Variants in LRRD1 observed in about 807,000 individuals in gnomAD.
The protein encoded by LRRD1 is leucine-rich repeat and death domain-containing protein 1.
In LRRD1, 49 loss-of-function variants were observed where a neutral mutation model predicts 69.5. The observed-to-expected ratio is 0.70, with a 90% confidence interval of 0.56 to 0.89. The LOEUF (loss-of-function observed/expected upper bound fraction) is 0.89. LRRD1 is among the 40% of genes least tolerant of loss of function. The probability of loss-of-function intolerance (pLI) is 0.00; values close to 1 mark genes in which losing one functional copy is unlikely to be tolerated. For missense variants in LRRD1, 853 were observed against 956.0 expected, an observed-to-expected ratio of 0.89 and a Z score of 1.42; for synonymous variants, 303 against 338.9, an observed-to-expected ratio of 0.89 and a Z score of 1.16.
intron 3 of LRRD1, among the ~76,000 whole-genome samples, chr7:92,157,819 C>T (rs958684062): frequency 3.3e-5 from 5 of 151,882 alleles, no homozygotes; most frequent in African/African-American, 7.3e-5. Context: ...TCAAGCAATC[C>T]GCCCCCCTCG....
At chr7:92,173,386 G>A (rs1789098481) in intron 1 of LRRD1, among the ~76,000 whole-genome samples, 1 of 152,116 alleles carries the variant, frequency 6.6e-6, no homozygotes, top group African/African-American at 2.4e-5. Flanking sequence ...AGCAAAGGAA[G>A]CAATCAACAA....
intron 3 of LRRD1, among the ~76,000 whole-genome samples, chr7:92,157,968 T>C (rs1227646506): frequency 6.6e-6 from 1 of 152,190 alleles, no homozygotes. Flanking sequence ...AAATACTTTA[T>C]AGAATTCACC....
In LRRD1 at chr7:92,163,659, A is replaced by G; in HGVS notation, c.1544T>C (p.Leu515Ser). The G allele has an allele frequency of 6.6e-7, 1 of 1,504,204 alleles. No homozygotes were observed. The highest frequency in any genetic ancestry group is 1.3e-5 in the South Asian group (1 of 76,194). 93.2% of individuals were successfully genotyped at this position (1,504,204 alleles called of 1,614,324 possible). ...GAGGAGTTTGTTTTCACTCAATTCT[A>G]AATGAAGCAGTTGTTTACTGAAAGA... ...DISFSKQLLH[L>S]ELSENKLLIF... The change falls in exon 2 of 6, where the codon TTA (leucine) becomes TCA (serine). Residue 515 changes from leucine to serine, a missense_variant. Coordinates refer to ENST00000458448, the MANE Select transcript of LRRD1 (RefSeq NM_001161528.2).
At chr7:92,159,654 G>A (rs1367338158) in intron 2 of LRRD1, among the ~76,000 whole-genome samples, 3 of 142,168 alleles carry the variant, frequency 2.1e-5, no homozygotes, top group Non-Finnish European at 4.5e-5. Flanking sequence ...GGAGATCTCG[G>A]TCTGTCACCC....
chr7:92,163,805 T>G lies in LRRD1; in HGVS notation c.1398A>C (p.Ile466=), dbSNP rs192941869. 39 of 1,501,778 alleles carry G rather than the reference T, an allele frequency of 2.6e-5. No individual in the cohort carries two copies. In the East Asian group the frequency reaches 8.4e-4, roughly 32 times the overall value. The allele number at this position is 1,501,778 out of a possible 1,614,324, so 93.0% of individuals were successfully genotyped here. Residue 466 remains isoleucine, a synonymous_variant, in exon 2 of 6, where the codon ATA becomes ATC. Coordinates refer to ENST00000458448, the MANE Select transcript of LRRD1 (RefSeq NM_001161528.2). ...TGTTATAACTCAATTCAATTTTAAT[T>G]ATTTTTTGGCAGTTTTTTATTTCAA... ...VPIEIKNCQK[I]IKIELSYNKI... is the part of the protein sequence containing the mutation.
At chr7:92,176,046 T>C (rs1169311854) in intron 1 of LRRD1, among the ~76,000 whole-genome samples, 1 of 152,228 alleles carries the variant, frequency 6.6e-6, no homozygotes, top group Non-Finnish European at 1.5e-5. Flanking sequence ...TTTATCCTTT[T>C]CTTAAAAACT....
rs780554820 is a variant in LRRD1 at position 92,150,611 on chromosome 7, C to G, written c.2201G>C (p.Arg734Thr). The G allele has an allele frequency of 7.1e-6, 11 of 1,551,390 alleles. No individual in the cohort carries two copies. The East Asian group carries it at 2.2e-4, about 31-fold the overall frequency. ...TCCTTTACAGATTTCCACTGGAGGT[C>G]TCAGCAAAGGGTTGTCATCAAAATT... ...EINFDDNPLL[R>T]PPVEICKGKQ... Residue 734 changes from arginine (R) to threonine (T), a missense_variant, in exon 4 of 6, where the codon AGA becomes ACA. Transcript: ENST00000458448.
chr7:92,162,892 C>T (rs1174374119), intron 2 of LRRD1, among the ~76,000 whole-genome samples: 1 of 152,092 alleles, frequency 6.6e-6, no homozygotes. Context: ...GTTGTGTCAA[C>T]GTATGCCCGT....
chr7:92,159,138 A>G lies in LRRD1; in HGVS notation c.1983T>C (p.Asn661=). 1 of 1,546,088 alleles carries G rather than the reference A, an allele frequency of 6.5e-7. No homozygotes were observed. Among genetic ancestry groups the G allele is most frequent in the Non-Finnish European group, 8.7e-7 (1 of 1,145,116 alleles). ...TATTTCTTGGAATCTCTCTGATTGC[A>G]TTATTTGAGATATCAAGTTCTTTAA... ...TQLKELDISN[N]AIREIPRNIG... is the part of the protein sequence containing the mutation. Residue 661 remains asparagine, a synonymous_variant, in exon 3 of 6, where the codon AAT becomes AAC. Coordinates refer to ENST00000458448, the MANE Select transcript of LRRD1 (RefSeq NM_001161528.2).
chr7:92,143,954 G>C (rs1250390741), downstream of LRRD1, among the ~76,000 whole-genome samples: 4 of 152,248 alleles, frequency 2.6e-5, no homozygotes, highest in Admixed American at 6.5e-5. Flanking sequence ...TGATGTTAGT[G>C]CTGGAGTAGG....
At chr7:92,174,236 A>G (rs925797352) in intron 1 of LRRD1, among the ~76,000 whole-genome samples, 1 of 151,814 alleles carries the variant, frequency 6.6e-6, no homozygotes, top group African/African-American at 2.4e-5. Context: ...TTGATAGACG[A>G]AATAAGGCCT....
chr7:92,164,282 T>C lies in LRRD1; in HGVS notation c.921A>G (p.Ser307=). Residue 307 remains serine (S), a synonymous_variant, in exon 2 of 6, where the codon TCA becomes TCG. Transcript: ENST00000458448. ...KALCFLPKLI[S]LDLTGNLISS... is the part of the protein sequence containing the mutation. ...TTATTAGGTTTCCAGTAAGGTCTAG[T>C]GAAATTAACTTTGGAAGGAAGCAGA... 2 of 1,550,972 alleles carry C rather than the reference T, an allele frequency of 1.3e-6. No individual in the cohort carries two copies. The highest frequency in any genetic ancestry group is 8.7e-7 in the Non-Finnish European group (1 of 1,146,684).
intron 4 of LRRD1, among the ~76,000 whole-genome samples, chr7:92,147,473 G>GTGTTTTGTTTTGTTTTGTTT (rs66668611): frequency 4.0e-5 from 6 of 149,812 alleles, no homozygotes; most frequent in Non-Finnish European, 7.4e-5. Flanking sequence ...GTGCGTGGGT[G>GTGTTTTGTTTTGTTTTGTTT]TGTTTTGTTT....
intron 1 of LRRD1, among the ~76,000 whole-genome samples, chr7:92,174,500 TATATA>T (rs1563195802): frequency 1.6e-3 from 33 of 20,408 alleles, no homozygotes; most frequent in Non-Finnish European, 2.1e-3. Flanking sequence ...TATATATATA[TATATA>T]TATATTTTTT....
chr7:92,147,850 C>T (rs1820367556), intron 4 of LRRD1, among the ~76,000 whole-genome samples: 2 of 152,200 alleles, frequency 1.3e-5, no homozygotes, highest in African/African-American at 4.8e-5. Flanking sequence ...TCCCACTTCA[C>T]CCCCGCAAGT....
intron 1 of LRRD1, among the ~76,000 whole-genome samples, chr7:92,165,585 G>A (rs1245781982): frequency 1.3e-5 from 2 of 152,072 alleles, no homozygotes; most frequent in African/African-American, 2.4e-5. Context: ...AGGGGGCCGG[G>A]TGCGGTGGCT....
At chr7:92,159,234 A>C in intron 2 of LRRD1, 31 bp from the exon 3 acceptor site, 1 of 1,271,640 alleles carries the variant, frequency 7.9e-7, no homozygotes, top group Non-Finnish European at 1.0e-6. Context: ...TTATACATTT[A>C]TAAATACATA....
downstream of LRRD1, among the ~76,000 whole-genome samples, chr7:92,143,631 C>T (rs6974827): frequency 0.43 from 65,838 of 152,024 alleles, 15,008 homozygotes; most frequent in African/African-American, 0.57. Flanking sequence ...GCGGGGCCGC[C>T]GAGCCCACGC....
chr7:92,176,565 A>ATT (rs71107853), intron 1 of LRRD1, among the ~76,000 whole-genome samples: 6 of 143,476 alleles, frequency 4.2e-5, no homozygotes, highest in Admixed American at 2.8e-4. Flanking sequence ...AGATTCTCTC[A>ATT]TTTTTTTTTT....
Sources: allele counts gnomAD v4.1 joint callset (sites outside exome capture counted in the v4.1 genomes callset), GRCh38; gene constraint gnomAD v4.1.1; transcripts MANE v1.5; gene names NCBI Gene and HGNC (gene_info 2026-07-23, HGNC 2026-07-21).